LRP2: variants seen among roughly 807,000 people sequenced by gnomAD.
LRP2 encodes the protein low-density lipoprotein receptor-related protein 2.
A neutral mutation model predicts 531.0 loss-of-function variants in LRP2; 172 were observed. That is an observed-to-expected ratio of 0.32 (90% CI 0.29 to 0.37). The LOEUF (loss-of-function observed/expected upper bound fraction) is 0.37, where lower values mean the gene tolerates loss of function less well. Among genes scored for constraint, LRP2 ranks in the 10% least tolerant of loss-of-function variants. The pLI is 1.00. For missense variants in LRP2, 5,167 were observed against 5,868.3 expected, an observed-to-expected ratio of 0.88 and a Z score of 3.90; for synonymous variants, 1,992 against 2,027.6, an observed-to-expected ratio of 0.98 and a Z score of 0.47.
intron 58 of LRP2, among the ~76,000 whole-genome samples, chr2:169,171,056 C>T (rs990228329): frequency 1.3e-5 from 2 of 151,390 alleles, no homozygotes; most frequent in Non-Finnish European, 2.9e-5. Context: ...CCACCATGCC[C>T]AGCTTGATTT....
At chr2:169,277,147 TTG>T (rs1683577423) in intron 13 of LRP2, among the ~76,000 whole-genome samples, 1 of 140,062 alleles carries the variant, frequency 7.1e-6, no homozygotes, top group African/African-American at 2.7e-5. Flanking sequence ...TGAACCGAGA[TTG>T]CATCACTGCA....
intron 18 of LRP2, 94 bp downstream of exon 18, chr2:169,257,030 C>T: frequency 7.0e-7 from 1 of 1,421,526 alleles, no homozygotes; most frequent in Non-Finnish European, 9.9e-7. Context: ...CAAGCAGTAC[C>T]AGTTTCCTTA....
intron 30 of LRP2, 33 bp downstream of exon 30, chr2:169,233,378 C>A (rs369398858): frequency 3.3e-5 from 53 of 1,612,896 alleles, no homozygotes; most frequent in Admixed American, 1.8e-4. Flanking sequence ...TTTCAAGCTA[C>A]TCCCAGGCAG....
chr2:169,361,362 C>CTCTCTG, intron 1 of LRP2, among the ~76,000 whole-genome samples: 1 of 130,678 alleles, frequency 7.7e-6, no homozygotes, highest in Non-Finnish European at 1.6e-5. Context: ...CTCTCTCTCT[C>CTCTCTG]TCTCTCTCTC....
chr2:169,245,618 G>A (rs1217793260), intron 21 of LRP2, among the ~76,000 whole-genome samples: 1 of 151,944 alleles, frequency 6.6e-6, no homozygotes, highest in Non-Finnish European at 1.5e-5. Flanking sequence ...TAATTTGAAT[G>A]TAATACTTTT....
chr2:169,351,707 A>C (rs137891003), intron 1 of LRP2, among the ~76,000 whole-genome samples: 31 of 152,278 alleles, frequency 2.0e-4, no homozygotes, highest in African/African-American at 5.8e-4. Flanking sequence ...AGCAAGTCCT[A>C]AGCTTGAGAT....
intron 3 of LRP2, among the ~76,000 whole-genome samples, chr2:169,313,188 G>T (rs1001756884): frequency 6.6e-6 from 1 of 152,046 alleles, no homozygotes; most frequent in African/African-American, 2.4e-5. Context: ...ATTACCGATC[G>T]TCTGAAGCCT....
chr2:169,147,133 A>G (rs1685944724), intron 68 of LRP2, among the ~76,000 whole-genome samples, 174 bp from the exon 69 acceptor site: 1 of 152,200 alleles, frequency 6.6e-6, no homozygotes, highest in African/African-American at 2.4e-5. Context: ...GGGGCGCAAG[A>G]GCACATATGA....
At chr2:169,184,015 T>C (rs1231854976) in intron 50 of LRP2, among the ~76,000 whole-genome samples, 1 of 152,138 alleles carries the variant, frequency 6.6e-6, no homozygotes, top group Non-Finnish European at 1.5e-5. Context: ...TCACCCAGAC[T>C]TTCTTGCCCA....
At chr2:169,239,128 G>A (rs1016159122) in intron 26 of LRP2, among the ~76,000 whole-genome samples, 3 of 151,954 alleles carry the variant, frequency 2.0e-5, no homozygotes. Context: ...CTTTGAAAGT[G>A]GTCAAATCAA....
rs1687706525 is a variant in LRP2, at chr2:169,188,331, G to C, written c.9033-66C>G. 3 of 1,524,274 alleles carry C rather than the reference G, an allele frequency of 2.0e-6. No homozygotes were observed. In the African/African-American group the frequency reaches 4.1e-5, roughly 21 times the overall value. The allele number at this position is 1,524,274 out of a possible 1,614,324, so 94.4% of individuals were successfully genotyped here. A position where few individuals can be genotyped will look rare whatever the true frequency, so the allele number is the denominator to read the frequency against. ...AATAAACCTCAACTATTACCCACTTGGGGTTTTGCTTCCTTCTTTATCTAC... is the reference window on the plus strand; with the variant it reads ...AATAAACCTCAACTATTACCCACTTCGGGTTTTGCTTCCTTCTTTATCTAC... On this transcript the variant is annotated intron_variant, in intron 48 of 78. Transcript: ENST00000649046.
At chr2:169,352,300 T>G (rs2544393) in intron 1 of LRP2, among the ~76,000 whole-genome samples, 1 of 152,202 alleles carries the variant, frequency 6.6e-6, no homozygotes, top group African/African-American at 2.4e-5. Flanking sequence ...GGACCTGCCA[T>G]GCTGGCCAAA....
chr2:169,202,676 C>T, intron 43 of LRP2, 80 bp downstream of exon 43: 1 of 1,416,240 alleles, frequency 7.1e-7, no homozygotes, highest in South Asian at 1.2e-5. Context: ...AACACATTCA[C>T]ACATAGCAGG....
At chr2:169,310,525 C>G (rs1184980728) in intron 3 of LRP2, among the ~76,000 whole-genome samples, 4 of 152,156 alleles carry the variant, frequency 2.6e-5, no homozygotes, top group African/African-American at 7.2e-5. Context: ...GTATGTTGAA[C>G]CAGCCTTGCA....
At chr2:169,161,821 C>G (rs1044035499) in intron 63 of LRP2, among the ~76,000 whole-genome samples, 3 of 152,188 alleles carry the variant, frequency 2.0e-5, no homozygotes, top group Non-Finnish European at 4.4e-5. Context: ...CCCAGGTCCC[C>G]TGTGGCGTTC....
In LRP2 at chr2:169,207,005, A is replaced by C; in HGVS notation, c.6715T>G (p.Leu2239Val). ...VSEGIVTPRG[L>V]AVDRSDGYVY... ...TAGCCATCACTTCGGTCCACTGCCA[A>C]GCCCCGTGGTGTGACAATGCCCTCT... is the stretch of plus-strand genomic sequence containing the variant. Residue 2239 changes from leucine (L) to valine (V), a missense_variant, in exon 39 of 79, where the codon TTG becomes GTG. By Grantham distance (32) the Leu-to-Val change is conservative (BLOSUM62 1). Coordinates refer to ENST00000649046, the MANE Select transcript of LRP2 (RefSeq NM_004525.3). The C allele has an allele frequency of 6.2e-7, 1 of 1,614,212 alleles. No homozygotes were observed. Among genetic ancestry groups the C allele is most frequent in the East Asian group, 2.2e-5 (1 of 44,890 alleles).
intron 16 of LRP2, among the ~76,000 whole-genome samples, chr2:169,262,775 C>A (rs1175381813): frequency 1.3e-5 from 2 of 151,232 alleles, no homozygotes; most frequent in African/African-American, 2.4e-5. Flanking sequence ...CAAAAAAGAG[C>A]CCGCATCGCC....
At chr2:169,229,970 T>C (rs1689342542) in intron 31 of LRP2, among the ~76,000 whole-genome samples, 1 of 152,242 alleles carries the variant, frequency 6.6e-6, no homozygotes, top group South Asian at 2.1e-4. Flanking sequence ...GGAAACCTTT[T>C]TTCATTTAAC....
At chr2:169,176,242 A>G (rs1053404397) in intron 54 of LRP2, among the ~76,000 whole-genome samples, 169 bp downstream of exon 54, 1 of 152,220 alleles carries the variant, frequency 6.6e-6, no homozygotes, top group African/African-American at 2.4e-5. Flanking sequence ...CTATTCATGG[A>G]AAATATTATC....
Sources: gnomAD v4.1 joint callset for allele counts (sites outside exome capture counted in the v4.1 genomes callset) on GRCh38, gnomAD v4.1.1 for gene constraint, MANE v1.5 for transcripts, NCBI Gene and HGNC (gene_info 2026-07-23, HGNC 2026-07-21) for gene names.